Variants in KSR2 observed in about 807,000 individuals in gnomAD.
KSR2 encodes the protein kinase suppressor of ras 2.
Under a neutral mutation model 107.8 loss-of-function variants are expected in KSR2, and 25 were observed. That is an observed-to-expected ratio of 0.23 (90% CI 0.17 to 0.32). KSR2 has a LOEUF of 0.32. Ranked by LOEUF, KSR2 falls within the 10% of genes least tolerant of loss-of-function variation. The probability of loss-of-function intolerance (pLI) is 1.00; values close to 1 mark genes in which losing one functional copy is unlikely to be tolerated. For missense variants in KSR2, 887 were observed against 1,268.9 expected, an observed-to-expected ratio of 0.70 and a Z score of 4.57; for synonymous variants, 480 against 507.0, an observed-to-expected ratio of 0.95 and a Z score of 0.71.
chr12:117,648,023 TA>T (rs1395666178), intron 5 of KSR2, among the ~76,000 whole-genome samples: 1 of 152,140 alleles, frequency 6.6e-6, no homozygotes, highest in Non-Finnish European at 1.5e-5. Context: ...CCTGTCTTTT[TA>T]AAGACAAAAG....
At chr12:117,512,196 C>G (rs1406951379) in intron 14 of KSR2, among the ~76,000 whole-genome samples, 1 of 152,196 alleles carries the variant, frequency 6.6e-6, no homozygotes, top group Non-Finnish European at 1.5e-5. Context: ...TGCAAGAATT[C>G]TGAGGGACGT....
chr12:117,572,945 A>T (rs1031580681), intron 7 of KSR2, among the ~76,000 whole-genome samples: 3 of 152,236 alleles, frequency 2.0e-5, no homozygotes, highest in African/African-American at 7.2e-5. Flanking sequence ...TCTTACTGCA[A>T]AAGCAAACTT....
intron 4 of KSR2, among the ~76,000 whole-genome samples, chr12:117,705,232 T>C (rs546438974): frequency 1.2e-4 from 18 of 152,294 alleles, no homozygotes; most frequent in African/African-American, 4.3e-4. Context: ...CCCAGGAAGC[T>C]AAGACCATAC....
chr12:117,644,790 TC>T (rs1883540411), intron 5 of KSR2, among the ~76,000 whole-genome samples: 1 of 152,004 alleles, frequency 6.6e-6, no homozygotes, highest in Non-Finnish European at 1.5e-5. Context: ...TCATTCATAT[TC>T]CCCCCTGGCC....
At chr12:117,486,926 T>C (rs1872497680) in intron 14 of KSR2, among the ~76,000 whole-genome samples, 1 of 152,018 alleles carries the variant, frequency 6.6e-6, no homozygotes, top group South Asian at 2.1e-4. Flanking sequence ...GTTAGGAGCA[T>C]GGGGGCTTAG....
chr12:117,520,551 A>G (rs1874691243), intron 14 of KSR2, among the ~76,000 whole-genome samples: 1 of 152,242 alleles, frequency 6.6e-6, no homozygotes, highest in Non-Finnish European at 1.5e-5. Flanking sequence ...GAAAGCAAGG[A>G]CACTGAGTGT....
intron 3 of KSR2, among the ~76,000 whole-genome samples, chr12:117,782,038 C>A (rs924056989): frequency 6.6e-6 from 1 of 152,184 alleles, no homozygotes; most frequent in Non-Finnish European, 1.5e-5. Flanking sequence ...CCCTGTAGGG[C>A]AGTCTGATGC....
intron 7 of KSR2, among the ~76,000 whole-genome samples, chr12:117,575,368 G>A (rs537437611): frequency 3.3e-5 from 5 of 152,074 alleles, no homozygotes; most frequent in Non-Finnish European, 5.9e-5. Flanking sequence ...CACCTGTCAC[G>A]GCTCTTTATG....
chr12:117,549,291 C>G lies in KSR2; in HGVS notation c.1518+5878G>C, dbSNP rs369244445. Among the ~76,000 whole-genome samples, 30 of 152,242 alleles carry G rather than the reference C, an allele frequency of 2.0e-4. No homozygotes were observed. In the South Asian group the frequency reaches 6.0e-3, roughly 31 times the overall value. ...GGCCCAGGGGGCAGGTGAGGTTTTT[C>G]AAGAAAGCTGGAGGCCAATTATATT... On this transcript the variant is annotated intron_variant, in intron 9 of 19. Transcript: ENST00000339824.
Position 117,546,695 on chromosome 12 carries a change from A to C in KSR2, c.1519-6808T>G, listed in dbSNP as rs76698946. The stretch of plus-strand genomic sequence containing the variant: ...CTGTTATCCAGACTGTGTAATTTCT[A>C]TCATTCTATCTTCAAGTTCACAAAT... On this transcript the variant is annotated intron_variant, in intron 9 of 19. Coordinates refer to ENST00000339824, the MANE Select transcript of KSR2 (RefSeq NM_173598.6). Among the ~76,000 whole-genome samples the C allele has an allele frequency of 3.3e-3, 505 of 152,200 alleles. 3 individuals carry two copies. The highest frequency in any genetic ancestry group is 0.011 in the African/African-American group (457 of 41,514).
At chr12:117,711,025 T>C (rs921780951) in intron 4 of KSR2, among the ~76,000 whole-genome samples, 7 of 152,294 alleles carry the variant, frequency 4.6e-5, no homozygotes, top group African/African-American at 1.4e-4. Flanking sequence ...CTCCAACCAT[T>C]AGTCTAAGTC....
Position 117,645,907 on chromosome 12 carries a change from GTGTGTGTA to G in KSR2, c.1171+21559_1171+21566del, listed in dbSNP as rs1415977322. Among the ~76,000 whole-genome samples the G allele has an allele frequency of 4.2e-3, 573 of 137,904 alleles. 6 individuals are homozygous for G. Among genetic ancestry groups the G allele is most frequent in the African/African-American group, 0.015 (544 of 36,224 alleles). 90.5% of individuals were successfully genotyped at this position (137,904 alleles called of 152,430 possible). ...TGTGTGTGTGTGTGTGTGTGTGTGT[GTGTGTGTA>G]CAGCTGTCCTTCAGTATCCATAGGG... On this transcript the variant is annotated intron_variant, in intron 5 of 19. Transcript: ENST00000339824.
intron 1 of KSR2, among the ~76,000 whole-genome samples, chr12:117,916,920 T>C (rs1453007615): frequency 6.6e-6 from 1 of 152,232 alleles, no homozygotes; most frequent in Non-Finnish European, 1.5e-5. Flanking sequence ...TGCATAATTG[T>C]TTGATATCTA....
intron 1 of KSR2, among the ~76,000 whole-genome samples, chr12:117,923,222 C>G (rs1895398556): frequency 6.6e-6 from 1 of 152,158 alleles, no homozygotes; most frequent in Admixed American, 6.5e-5. Context: ...TATCATCTAT[C>G]TATCTATCTA....
At chr12:117,508,338 T>C (rs1308820778) in intron 14 of KSR2, among the ~76,000 whole-genome samples, 1 of 152,186 alleles carries the variant, frequency 6.6e-6, no homozygotes, top group Non-Finnish European at 1.5e-5. Flanking sequence ...CATGCTTCCA[T>C]CACATCCCAG....
Position 117,486,129 on chromosome 12 carries a change from G to A in KSR2, c.2220-438C>T, listed in dbSNP as rs114758658. 5.6e-3 allele frequency among the ~76,000 whole-genome samples: 859 copies of A among 152,276 alleles called. 10 individuals carry two copies. Among genetic ancestry groups the A allele is most frequent in the African/African-American group, 0.02 (813 of 41,550 alleles). ...AGTGATGAAAGACCAGCAGAGTGGT[G>A]GCTGATGTGTATTAAGTATCATCAG... On this transcript the variant is annotated intron_variant, in intron 14 of 19. Coordinates refer to ENST00000339824, the MANE Select transcript of KSR2 (RefSeq NM_173598.6).
At chr12:117,845,716 T>C (rs998935555) in intron 3 of KSR2, among the ~76,000 whole-genome samples, 1 of 151,606 alleles carries the variant, frequency 6.6e-6, no homozygotes, top group South Asian at 2.1e-4. Flanking sequence ...GGTCTCGCTC[T>C]ATCACTCAGG....
intron 1 of KSR2, among the ~76,000 whole-genome samples, chr12:117,884,735 G>A (rs531071228): frequency 6.6e-6 from 1 of 152,302 alleles, no homozygotes; most frequent in East Asian, 1.9e-4. Flanking sequence ...CTGTGGCATA[G>A]CGAGTGGAAA....
intron 1 of KSR2, among the ~76,000 whole-genome samples, chr12:117,954,730 T>C (rs1024457099): frequency 1.3e-5 from 2 of 152,136 alleles, no homozygotes; most frequent in Admixed American, 6.5e-5. Flanking sequence ...TATTAAGAAT[T>C]TGTGGCCGGG....
Sources: gnomAD v4.1 joint callset for allele counts (sites outside exome capture counted in the v4.1 genomes callset) on GRCh38, gnomAD v4.1.1 for gene constraint, MANE v1.5 for transcripts, NCBI Gene and HGNC (gene_info 2026-07-23, HGNC 2026-07-21) for gene names.